FRY: variants seen among roughly 807,000 people sequenced by gnomAD.
FRY encodes protein furry homolog.
In FRY, 128 loss-of-function variants were observed where a neutral mutation model predicts 348.4. That is an observed-to-expected ratio of 0.37 (90% CI 0.32 to 0.43). FRY has a LOEUF of 0.43. Among genes scored for constraint, FRY ranks in the 20% least tolerant of loss-of-function variants. FRY has a pLI of 1.00. For synonymous variants in FRY, 1,370 were observed against 1,374.7 expected, an observed-to-expected ratio of 1.00 and a Z score of 0.08; for missense variants, 2,736 against 3,695.2, an observed-to-expected ratio of 0.74 and a Z score of 6.73.
At chr13:32,213,340 A>G (rs1437453915) in intron 35 of FRY, among the ~76,000 whole-genome samples, 1 of 152,164 alleles carries the variant, frequency 6.6e-6, no homozygotes. Context: ...TCCCTAATTC[A>G]GGCACCAGCC....
At chr13:32,170,488 A>T (rs1299542128) in intron 17 of FRY, among the ~76,000 whole-genome samples, 1 of 152,212 alleles carries the variant, frequency 6.6e-6, no homozygotes, top group Non-Finnish European at 1.5e-5. Flanking sequence ...ACTCTGTATT[A>T]TCTTTGCAGC....
intron 60 of FRY, 36 bp downstream of exon 60, chr13:32,294,606 A>G (rs1199596814): frequency 6.9e-7 from 1 of 1,456,462 alleles, no homozygotes; most frequent in East Asian, 2.3e-5. Context: ...TGGTTGCAGG[A>G]AATGCACACC....
chr13:32,171,652 G>A lies in FRY; in HGVS notation c.2151+382G>A, dbSNP rs187281478. Among the ~76,000 whole-genome samples the A allele has an allele frequency of 2.6e-3, 398 of 152,196 alleles. 4 individuals carry two copies. The highest frequency in any genetic ancestry group is 8.9e-3 in the African/African-American group (371 of 41,534). On this transcript the variant is annotated intron_variant, in intron 18 of 60. Transcript: ENST00000542859. ...TATTCATATATGTGAATGAGTGGCAGTCTAGAACCTTTAGAATTCTTACTT... is the reference window on the plus strand; with the variant it reads ...TATTCATATATGTGAATGAGTGGCAATCTAGAACCTTTAGAATTCTTACTT...
chr13:32,139,955 T>G (rs1183997364), intron 11 of FRY, among the ~76,000 whole-genome samples: 2 of 152,068 alleles, frequency 1.3e-5, no homozygotes, highest in African/African-American at 2.4e-5. Flanking sequence ...ATTTAAAAAT[T>G]AAATGAAATG....
chr13:32,122,375 G>A (rs904762925), intron 4 of FRY, among the ~76,000 whole-genome samples: 15 of 151,808 alleles, frequency 9.9e-5, no homozygotes, highest in Admixed American at 2.6e-4. Flanking sequence ...CCCGGGAGGC[G>A]GAGCTTGCAG....
chr13:32,294,469 C>G lies in FRY; in HGVS notation c.8682C>G (p.Ser2894=). The G allele has an allele frequency of 6.2e-7, 1 of 1,613,934 alleles. No homozygotes were observed. Among genetic ancestry groups the G allele is most frequent in the Non-Finnish European group, 8.5e-7 (1 of 1,179,830 alleles). Residue 2894 remains serine (S), a synonymous_variant, in exon 60 of 61, where the codon TCC becomes TCG. Coordinates refer to ENST00000542859, the MANE Select transcript of FRY (RefSeq NM_023037.3). ...CTCTCTATTCAGACGGCGCGTGGTC[C>G]GAGCCCACCTTCACGTCCACTGAAG... ...ADPLYSDGAW[S]EPTFTSTEAA... is the part of the protein sequence containing the mutation.
At chr13:32,047,060 G>T (rs2773963) in intron 1 of FRY, among the ~76,000 whole-genome samples, 88,033 of 151,684 alleles carry the variant, frequency 0.58, 26,253 homozygotes, top group Non-Finnish European at 0.64. Flanking sequence ...TATATATAGA[G>T]AGAGAGAGAG....
At chr13:32,219,469 A>G (rs1555266771) in intron 36 of FRY, among the ~76,000 whole-genome samples, 3 of 144,450 alleles carry the variant, frequency 2.1e-5, no homozygotes, top group Non-Finnish European at 4.5e-5. Flanking sequence ...TAGAAAACAC[A>G]TGTTGTTGGC....
intron 11 of FRY, among the ~76,000 whole-genome samples, chr13:32,139,090 TA>T (rs1421994678): frequency 3.9e-5 from 6 of 152,212 alleles, no homozygotes; most frequent in Admixed American, 6.5e-5. Flanking sequence ...AATAAAATTG[TA>T]TTGCATATAT....
At chr13:32,131,454 G>A (rs899596711) in intron 7 of FRY, among the ~76,000 whole-genome samples, 1 of 152,180 alleles carries the variant, frequency 6.6e-6, no homozygotes, top group African/African-American at 2.4e-5. Flanking sequence ...GCCTGATGAA[G>A]ATGTTGAGCA....
At chr13:32,143,562 A>G (rs1880213340) in intron 11 of FRY, among the ~76,000 whole-genome samples, 1 of 152,224 alleles carries the variant, frequency 6.6e-6, no homozygotes, top group Non-Finnish European at 1.5e-5. Flanking sequence ...TAAACTAGAG[A>G]TCTCGGTTAT....
intron 1 of FRY, among the ~76,000 whole-genome samples, chr13:32,077,482 G>A (rs896795354): frequency 2.0e-5 from 3 of 152,164 alleles, no homozygotes; most frequent in East Asian, 1.9e-4. Context: ...CAGTTTAGTG[G>A]TAGCTGAGAT....
At chr13:32,041,885 G>T (rs954403413) in intron 1 of FRY, among the ~76,000 whole-genome samples, 1 of 152,178 alleles carries the variant, frequency 6.6e-6, no homozygotes, top group Non-Finnish European at 1.5e-5. Context: ...ATTTTTGAAG[G>T]TGTTTGAAAA....
rs935609598 is a variant in FRY, at chr13:32,244,392, G to C, written c.6828+210G>C. Among the ~76,000 whole-genome samples, 5 of 152,254 alleles carry C rather than the reference G, an allele frequency of 3.3e-5. No individual in the cohort carries two copies. In the East Asian group the frequency reaches 5.8e-4, roughly 18 times the overall value. ...AGAGCACAAGACCCCGGCACACTCCGGTGCCTTTAAAAGGCACATTTCCGC... is the reference window on the plus strand; with the variant it reads ...AGAGCACAAGACCCCGGCACACTCCCGTGCCTTTAAAAGGCACATTTCCGC... On this transcript the variant is annotated intron_variant, in intron 47 of 60. Coordinates refer to ENST00000542859, the MANE Select transcript of FRY (RefSeq NM_023037.3).
Position 32,212,351 on chromosome 13 carries a change from G to A in FRY, c.4651G>A (p.Glu1551Lys), listed in dbSNP as rs1210866965. Residue 1551 changes from glutamate (E) to lysine (K), a missense_variant, in exon 35 of 61, where the codon GAG becomes AAG. Coordinates refer to ENST00000542859, the MANE Select transcript of FRY (RefSeq NM_023037.3). ...AGQENFPDAE[E>K]NKILKESDER... is the part of the protein sequence containing the mutation. The stretch of plus-strand genomic sequence containing the variant: ...CCAGGAAAATTTCCCAGATGCTGAG[G>A]AGAACAAGATATTGAAAGAATCTGA... 1 of 1,608,498 alleles carries A rather than the reference G, an allele frequency of 6.2e-7. No individual in the cohort carries two copies. Among genetic ancestry groups the A allele is most frequent in the African/African-American group, 1.3e-5 (1 of 74,832 alleles).
rs1230665345 is a variant in FRY, at chr13:32,133,770, T to TTC, written c.886-1133_886-1132insCT. Among the ~76,000 whole-genome samples the TTC allele has an allele frequency of 3.8e-5, 5 of 132,474 alleles. No homozygotes were observed. The South Asian group carries it at 7.6e-4, about 20-fold the overall frequency. The allele number at this position is 132,474 out of a possible 152,430, so 86.9% of individuals were successfully genotyped here. ...TTCTTTTCTTTCTTTCTTTCTTTCT[T>TTC]TTTTTTTTTTTTTTTTTTTTGAATT... is the stretch of plus-strand genomic sequence containing the variant. On this transcript the variant is annotated intron_variant, in intron 8 of 60. Coordinates refer to ENST00000542859, the MANE Select transcript of FRY (RefSeq NM_023037.3).
At chr13:32,101,382 T>C (rs932532623) in intron 2 of FRY, among the ~76,000 whole-genome samples, 2 of 152,236 alleles carry the variant, frequency 1.3e-5, no homozygotes, top group African/African-American at 2.4e-5. Flanking sequence ...GATGGATACT[T>C]AGACTGACTC....
chr13:32,063,507 A>T (rs377436469), intron 1 of FRY, among the ~76,000 whole-genome samples: 1 of 152,194 alleles, frequency 6.6e-6, no homozygotes, highest in Non-Finnish European at 1.5e-5. Flanking sequence ...ACACACATAC[A>T]TATCTGTAGA....
rs45560736 is a variant in FRY at position 32,287,981 on chromosome 13, C to T, written c.8470-1652C>T. 5.3e-3 allele frequency: 1,852 copies of T among 349,988 alleles called. 18 individuals are homozygous for T. The highest frequency in any genetic ancestry group is 0.017 in the South Asian group (476 of 28,106). 21.7% of individuals were successfully genotyped at this position (349,988 alleles called of 1,614,324 possible). A position where few individuals can be genotyped will look rare whatever the true frequency, so the allele number is the denominator to read the frequency against. ...ACTGTTACATCTCTTAGCATGTTCT[C>T]CCTTTCTCATTTTAATTTATTTTAT... On this transcript the variant is annotated intron_variant, in intron 58 of 60. Coordinates refer to ENST00000542859, the MANE Select transcript of FRY (RefSeq NM_023037.3).
Sources: allele counts gnomAD v4.1 joint callset (sites outside exome capture counted in the v4.1 genomes callset), GRCh38; gene constraint gnomAD v4.1.1; transcripts MANE v1.5; gene names NCBI Gene and HGNC (gene_info 2026-07-23, HGNC 2026-07-21).